Variants in MAP4K5 observed in about 807,000 individuals in gnomAD.
MAP4K5 encodes the protein mitogen-activated protein kinase kinase kinase kinase 5, also known as MAPK/ERK kinase kinase kinase 5.
A neutral mutation model predicts 135.6 loss-of-function variants in MAP4K5; 82 were observed. The observed-to-expected ratio is 0.60, with a 90% CI of 0.51 to 0.73. The LOEUF (loss-of-function observed/expected upper bound fraction) is 0.73, where lower values mean the gene tolerates loss of function less well. Ranked by LOEUF, MAP4K5 falls within the 30% of genes least tolerant of loss-of-function variation. MAP4K5 has a pLI of 0.00. For synonymous variants in MAP4K5, 347 were observed against 335.0 expected, an observed-to-expected ratio of 1.04 and a Z score of -0.39; for missense variants, 907 against 1,010.9, an observed-to-expected ratio of 0.90 and a Z score of 1.39.
intron 9 of MAP4K5, 22 bp downstream of exon 9, chr14:50,475,055 T>C (rs1486637112): frequency 1.3e-6 from 2 of 1,588,454 alleles, no homozygotes; most frequent in East Asian, 2.2e-5. Flanking sequence ...ATGGATCAAA[T>C]TCAATCACAG....
chr14:50,458,837 C>A (rs1338600910), intron 13 of MAP4K5, among the ~76,000 whole-genome samples: 1 of 152,120 alleles, frequency 6.6e-6, no homozygotes, highest in African/African-American at 2.4e-5. Context: ...GAGACAGGGT[C>A]TTGCTCTGTC....
At chr14:50,526,381 C>T (rs2038265441) in intron 2 of MAP4K5, among the ~76,000 whole-genome samples, 1 of 152,142 alleles carries the variant, frequency 6.6e-6, no homozygotes, top group African/African-American at 2.4e-5. Flanking sequence ...CTCACTGCAA[C>T]CTCCGACCCC....
chr14:50,486,819 C>T (rs542214408), intron 3 of MAP4K5, among the ~76,000 whole-genome samples: 69 of 152,032 alleles, frequency 4.5e-4, no homozygotes, highest in Non-Finnish European at 8.4e-4. Context: ...AATCTTTAAA[C>T]TTGAAATGGA....
chr14:50,537,282 A>G (rs2038506107), upstream of MAP4K5, among the ~76,000 whole-genome samples: 1 of 152,228 alleles, frequency 6.6e-6, no homozygotes, highest in Admixed American at 6.5e-5. Context: ...TGAGCCTTCT[A>G]GTACACAGAA....
chr14:50,429,582 C>T (rs1484777412), intron 28 of MAP4K5, among the ~76,000 whole-genome samples: 1 of 152,152 alleles, frequency 6.6e-6, no homozygotes, highest in Non-Finnish European at 1.5e-5. Flanking sequence ...GCATGCTATA[C>T]ACAATGGCTC....
intron 2 of MAP4K5, among the ~76,000 whole-genome samples, chr14:50,529,691 T>G (rs548518380): frequency 1.3e-4 from 20 of 148,716 alleles, no homozygotes; most frequent in African/African-American, 4.0e-4. Context: ...AAAAATAGAG[T>G]AGGAAAAAAA....
chr14:50,470,796 G>GTTGAAATGTTGAAA (rs2036943300), intron 9 of MAP4K5, among the ~76,000 whole-genome samples: 1 of 151,880 alleles, frequency 6.6e-6, no homozygotes, highest in Non-Finnish European at 1.5e-5. Context: ...TTGAATAAAT[G>GTTGAAATGTTGAAA]TAATTCCCTT....
chr14:50,423,607 G>A (rs2180496), intron 31 of MAP4K5, among the ~76,000 whole-genome samples: 146,569 of 152,024 alleles, frequency 0.96, 70,859 homozygotes, highest in East Asian at 1. Flanking sequence ...ATCTACAGAA[G>A]TATTTAAAAA....
At chr14:50,502,455 A>C (rs2037726673) in intron 3 of MAP4K5, among the ~76,000 whole-genome samples, 1 of 152,180 alleles carries the variant, frequency 6.6e-6, no homozygotes, top group African/African-American at 2.4e-5. Context: ...AGAGGGAAAA[A>C]GGAAGCCATT....
In MAP4K5 at chr14:50,481,370, T is replaced by G. The variant is rs377035559; in HGVS notation, c.378+991A>C. Reference sequence around the variant, plus strand: ...TCAGTAAGATTTGGCAGTGTTTATGTCTTTTAAAGCATGTGGGAACCAACT... The same window carrying G: ...TCAGTAAGATTTGGCAGTGTTTATGGCTTTTAAAGCATGTGGGAACCAACT... On this transcript the variant is annotated intron_variant, in intron 6 of 32. Coordinates refer to ENST00000682126, the MANE Select transcript of MAP4K5 (RefSeq NM_006575.6). Among the ~76,000 whole-genome samples the G allele has an allele frequency of 7.3e-5, 11 of 151,644 alleles. No homozygotes were observed. The East Asian group carries it at 7.7e-4, about 11-fold the overall frequency.
At chr14:50,444,995 T>C (rs542917410) in intron 18 of MAP4K5, 46 bp downstream of exon 18, 4 of 1,560,026 alleles carry the variant, frequency 2.6e-6, no homozygotes, top group African/African-American at 2.7e-5. Flanking sequence ...CAGATAACAA[T>C]ATCTAGCCAT....
chr14:50,455,446 G>C (rs769335740), intron 14 of MAP4K5, among the ~76,000 whole-genome samples: 1 of 151,914 alleles, frequency 6.6e-6, no homozygotes, highest in Non-Finnish European at 1.5e-5. Context: ...TAGTATTGGA[G>C]GCCCACAGAC....
chr14:50,536,605 C>T (rs2038496478), upstream of MAP4K5, among the ~76,000 whole-genome samples: 1 of 152,158 alleles, frequency 6.6e-6, no homozygotes, highest in Non-Finnish European at 1.5e-5. Context: ...TTCCTAGAGG[C>T]TTGTTGAATG....
intron 30 of MAP4K5, among the ~76,000 whole-genome samples, chr14:50,427,195 G>A (rs142879406): frequency 2.2e-3 from 342 of 152,192 alleles, no homozygotes; most frequent in Non-Finnish European, 3.7e-3. Flanking sequence ...TTAAAATTAC[G>A]AAGATAATTT....
At chr14:50,501,875 G>A (rs1011249891) in intron 3 of MAP4K5, among the ~76,000 whole-genome samples, 11 of 152,224 alleles carry the variant, frequency 7.2e-5, no homozygotes, top group Middle Eastern at 3.4e-3. Context: ...TTCAAGTTCC[G>A]TGAGAACAAG....
At chr14:50,506,117 A>G (rs545213348) in intron 2 of MAP4K5, among the ~76,000 whole-genome samples, 1 of 152,332 alleles carries the variant, frequency 6.6e-6, no homozygotes, top group East Asian at 1.9e-4. Flanking sequence ...AAAAACAAGA[A>G]AAAGACATGA....
Position 50,531,971 on chromosome 14 carries a change from C to A in MAP4K5, c.79G>T (p.Gly27Cys). ...QQDYELVQRV[G>C]SGTYGDVYKA... is the part of the protein sequence containing the mutation. ...TAGACGTCCCCGTAGGTGCCGCTGC[C>A]GACCCTCTGGACGAGTTCGTAGTCC... Residue 27 changes from glycine to cysteine, a missense_variant, in exon 2 of 33, where the codon GGC becomes TGC. Transcript: ENST00000682126. The A allele has an allele frequency of 6.2e-7, 1 of 1,604,396 alleles. No homozygotes were observed. The highest frequency in any genetic ancestry group is 2.3e-5 in the East Asian group (1 of 44,252).
chr14:50,545,140 C>G (rs1289833227), intron 1 of MAP4K5, among the ~76,000 whole-genome samples: 3 of 152,018 alleles, frequency 2.0e-5, no homozygotes, highest in African/African-American at 7.2e-5. Context: ...AAAACAGTCT[C>G]ATTGCTCAAA....
chr14:50,474,923 A>C (rs1030468152), intron 9 of MAP4K5, among the ~76,000 whole-genome samples, 154 bp downstream of exon 9: 8 of 152,212 alleles, frequency 5.3e-5, no homozygotes, highest in Admixed American at 1.3e-4. Flanking sequence ...TATGAGCATC[A>C]AAGTTCCCTA....
Sources: gnomAD v4.1 joint callset for allele counts (sites outside exome capture counted in the v4.1 genomes callset) on GRCh38, gnomAD v4.1.1 for gene constraint, MANE v1.5 for transcripts, NCBI Gene and HGNC (gene_info 2026-07-23, HGNC 2026-07-21) for gene names.